The following CHLSN variants were observed in gnomAD, a reference collection of about 807,000 sequenced individuals.
The protein encoded by CHLSN is cholesin.
At chr7:1,076,678 TCCA>T in the CHLSN span, among the ~76,000 whole-genome samples, 1 of 152,232 alleles carries the variant, frequency 6.6e-6, no homozygotes, top group Non-Finnish European at 1.5e-5. Flanking sequence ...TGAATTAATG[TCCA>T]AGATCTTTTC....
chr7:1,006,584 AGGGAAAGAGCGCACGACGGCCACAGCGCG>A, the CHLSN span, among the ~76,000 whole-genome samples: 4,813 of 128,538 alleles, frequency 0.037, 129 homozygotes, highest in Non-Finnish European at 0.041. Flanking sequence ...GCCACAGCGC[AGGGAAAGAGCGCACGACGGCCACAGCGCG>A]GGGAAAGAGC....
the CHLSN span, among the ~76,000 whole-genome samples, chr7:1,070,977 T>C: frequency 0.04 from 5,818 of 145,374 alleles, 162 homozygotes; most frequent in African/African-American, 0.08. Flanking sequence ...CACGGGCACA[T>C]GCACACGGGC....
the CHLSN span, among the ~76,000 whole-genome samples, chr7:1,068,410 C>T: frequency 6.6e-6 from 1 of 152,152 alleles, no homozygotes; most frequent in Non-Finnish European, 1.5e-5. Context: ...TGTGACTGTC[C>T]CCGGGACATC....
the CHLSN span, among the ~76,000 whole-genome samples, chr7:1,009,048 C>T: frequency 4.7e-5 from 7 of 150,406 alleles, no homozygotes; most frequent in South Asian, 1.5e-3. Flanking sequence ...CATGCACACA[C>T]GTACACGTGC....
chr7:1,010,625 C>G, the CHLSN span, among the ~76,000 whole-genome samples: 48 of 152,290 alleles, frequency 3.2e-4, no homozygotes, highest in African/African-American at 1.1e-3. Context: ...CCTGGCTCCC[C>G]CTGGGCTGCA....
At chr7:1,108,654 C>T in the CHLSN span, among the ~76,000 whole-genome samples, 2 of 152,322 alleles carry the variant, frequency 1.3e-5, no homozygotes, top group South Asian at 4.1e-4. Flanking sequence ...ATTTTAAGGA[C>T]AAGTGGCTCT....
chr7:1,025,892 C>T, the CHLSN span: 1 of 152,272 alleles, frequency 6.6e-6, no homozygotes, highest in Non-Finnish European at 1.5e-5. Flanking sequence ...GACAGACACC[C>T]ACCAGGACGC....
the CHLSN span, among the ~76,000 whole-genome samples, chr7:1,001,501 GT>G: frequency 5.7e-5 from 8 of 139,882 alleles, no homozygotes; most frequent in African/African-American, 1.6e-4. Flanking sequence ...CTGCGGGTGA[GT>G]GGAGTCCTGT....
the CHLSN span, among the ~76,000 whole-genome samples, chr7:1,102,423 T>C: frequency 2.6e-5 from 4 of 152,230 alleles, no homozygotes; most frequent in Non-Finnish European, 5.9e-5. Flanking sequence ...ACTCAAGTTC[T>C]TCCGCTCATC....
the CHLSN span, among the ~76,000 whole-genome samples, chr7:1,049,430 G>A: frequency 6.6e-6 from 1 of 152,182 alleles, no homozygotes; most frequent in Non-Finnish European, 1.5e-5. Flanking sequence ...GGGAAACCGA[G>A]GCACACAGCA....
the CHLSN span, among the ~76,000 whole-genome samples, chr7:1,006,495 G>A: frequency 0.13 from 16,588 of 130,284 alleles, 1,308 homozygotes; most frequent in Admixed American, 0.17. Context: ...CGGCCACAGC[G>A]CAGGGAAAGA....
chr7:1,092,582 A>G, the CHLSN span: 1 of 1,611,184 alleles, frequency 6.2e-7, no homozygotes, highest in African/African-American at 1.3e-5. Flanking sequence ...CACCTCCTGC[A>G]GCGGACGCAG....
At chr7:1,033,818 G>A in the CHLSN span, among the ~76,000 whole-genome samples, 2 of 152,034 alleles carry the variant, frequency 1.3e-5, no homozygotes, top group Non-Finnish European at 2.9e-5. Flanking sequence ...CCTGAGTGAG[G>A]GGAGGAGACA....
the CHLSN span, among the ~76,000 whole-genome samples, chr7:1,059,882 C>T: frequency 0.011 from 295 of 26,592 alleles, 1 homozygote; most frequent in Admixed American, 0.02. Context: ...GGGGCGGGTC[C>T]GTAGTGAGGC....
At chr7:1,027,900 G>C in the CHLSN span, among the ~76,000 whole-genome samples, 4 of 152,312 alleles carry the variant, frequency 2.6e-5, no homozygotes, top group South Asian at 8.3e-4. Flanking sequence ...GGCCCGGTCC[G>C]CCCCCACAGC....
At chr7:1,121,103 G>A in the CHLSN span, among the ~76,000 whole-genome samples, 163 of 152,310 alleles carry the variant, frequency 1.1e-3, no homozygotes, top group African/African-American at 3.7e-3. Flanking sequence ...GGAGGGAGCC[G>A]GCCTCCCGCT....
At chr7:1,049,403 G>A in the CHLSN span, among the ~76,000 whole-genome samples, 22 of 152,342 alleles carry the variant, frequency 1.4e-4, no homozygotes, top group African/African-American at 4.6e-4. Context: ...GTCTCATGAA[G>A]ATTTTTACTA....
the CHLSN span, among the ~76,000 whole-genome samples, chr7:1,131,899 T>C: frequency 6.6e-6 from 1 of 152,242 alleles, no homozygotes; most frequent in Non-Finnish European, 1.5e-5. Flanking sequence ...ATGTTTGTTA[T>C]GGAAAATGAC....
At chr7:1,098,739 G>A in the CHLSN span, among the ~76,000 whole-genome samples, 1 of 152,212 alleles carries the variant, frequency 6.6e-6, no homozygotes, top group Non-Finnish European at 1.5e-5. Flanking sequence ...CGAGCACAAT[G>A]TCCACTGCGT....
Sources: gnomAD v4.1 joint callset for allele counts (sites outside exome capture counted in the v4.1 genomes callset) on GRCh38, gnomAD v4.1.1 for gene constraint, MANE v1.5 for transcripts, NCBI Gene and HGNC (gene_info 2026-07-23, HGNC 2026-07-21) for gene names.